ARHGAP20: variants seen among roughly 807,000 people sequenced by gnomAD.
ARHGAP20 encodes the protein Rho GTPase activating protein 20.
A neutral mutation model predicts 73.7 loss-of-function variants in ARHGAP20; 34 were observed. The observed-to-expected ratio is 0.46, with a 90% CI of 0.35 to 0.61. The LOEUF (loss-of-function observed/expected upper bound fraction) is 0.61. Ranked by LOEUF, ARHGAP20 falls within the 20% of genes least tolerant of loss-of-function variation. The probability of loss-of-function intolerance (pLI) is 0.00; values close to 1 mark genes in which losing one functional copy is unlikely to be tolerated. For synonymous variants in ARHGAP20, 523 were observed against 518.2 expected (o/e 1.01, Z -0.13); for missense variants, 1,314 against 1,420.9 (o/e 0.92, Z 1.21).
intron 14 of ARHGAP20, 86 bp downstream of exon 14, chr11:110,582,235 G>T: frequency 9.1e-7 from 1 of 1,103,618 alleles, no homozygotes; most frequent in Non-Finnish European, 1.4e-6. Flanking sequence ...AGCTGCTGTG[G>T]GCTCCAGGAA....
At chr11:110,642,284 T>C (rs1949093587) in intron 2 of ARHGAP20, among the ~76,000 whole-genome samples, 1 of 152,096 alleles carries the variant, frequency 6.6e-6, no homozygotes, top group Admixed American at 6.6e-5. Flanking sequence ...TTTATTTCTT[T>C]CTCTTGCCTG....
chr11:110,678,701 G>C (rs1427118758), intron 2 of ARHGAP20, among the ~76,000 whole-genome samples: 1 of 151,958 alleles, frequency 6.6e-6, no homozygotes, highest in African/African-American at 2.4e-5. Context: ...TCATTCTGTT[G>C]TCCAGGCTGG....
chr11:110,629,441 T>C (rs1948815641), intron 3 of ARHGAP20, among the ~76,000 whole-genome samples: 1 of 152,208 alleles, frequency 6.6e-6, no homozygotes, highest in African/African-American at 2.4e-5. Context: ...AACTGTTTTT[T>C]GAAAATAATG....
At chr11:110,668,296 T>C (rs556305431) in intron 2 of ARHGAP20, among the ~76,000 whole-genome samples, 2 of 152,340 alleles carry the variant, frequency 1.3e-5, no homozygotes, top group South Asian at 2.1e-4. Flanking sequence ...GTATGATTGG[T>C]TGCATTTTTA....
chr11:110,588,012 T>C (rs1412485299), intron 11 of ARHGAP20, among the ~76,000 whole-genome samples: 5 of 152,328 alleles, frequency 3.3e-5, no homozygotes, highest in East Asian at 1.9e-4. Flanking sequence ...GTAGGGACAA[T>C]AGCTCTCTTT....
At chr11:110,690,715 T>G in intron 1 of ARHGAP20, 86 bp from the exon 2 acceptor site, 1 of 1,298,756 alleles carries the variant, frequency 7.7e-7, no homozygotes, top group South Asian at 1.2e-5. Flanking sequence ...ATTTAACAAG[T>G]TTTGCATTGC....
chr11:110,687,631 G>C (rs1177524860), intron 2 of ARHGAP20, among the ~76,000 whole-genome samples: 1 of 151,912 alleles, frequency 6.6e-6, no homozygotes, highest in Admixed American at 6.6e-5. Flanking sequence ...ATGACCCTTT[G>C]TTATATAAAA....
chr11:110,612,032 C>G (rs1028422290), intron 6 of ARHGAP20, among the ~76,000 whole-genome samples: 6 of 152,086 alleles, frequency 3.9e-5, no homozygotes, highest in Non-Finnish European at 5.9e-5. Flanking sequence ...TTAGAAAGCT[C>G]AATTCTATTA....
Position 110,600,647 on chromosome 11 carries a change from CA to C in ARHGAP20, c.964+5913del, listed in dbSNP as rs1450295743. Among the ~76,000 whole-genome samples, 7 of 152,346 alleles carry C rather than the reference CA, an allele frequency of 4.6e-5. No homozygotes were observed. The East Asian group carries it at 9.6e-4, about 21-fold the overall frequency. On this transcript the variant is annotated intron_variant, in intron 9 of 14. Transcript: ENST00000683387. ...TCTTGGGCAAATACATCACTGTCCA[CA>C]GAGATTTCTGGCCAGAAAAGTGACA...
intron 1 of ARHGAP20, among the ~76,000 whole-genome samples, chr11:110,692,898 T>C (rs1028073252): frequency 6.6e-6 from 1 of 151,958 alleles, no homozygotes; most frequent in Non-Finnish European, 1.5e-5. Context: ...TCTATAAAAG[T>C]TGTGAACTAA....
intron 2 of ARHGAP20, among the ~76,000 whole-genome samples, chr11:110,638,269 T>C (rs1316793610): frequency 6.6e-6 from 1 of 152,054 alleles, no homozygotes. Flanking sequence ...ATAAATTGTG[T>C]ATTTATGCTT....
intron 6 of ARHGAP20, among the ~76,000 whole-genome samples, chr11:110,613,415 A>C (rs984236682): frequency 4.6e-5 from 7 of 152,338 alleles, no homozygotes; most frequent in Admixed American, 1.3e-4. Flanking sequence ...AGCAAAGGAC[A>C]GAGTACGTCA....
intron 9 of ARHGAP20, among the ~76,000 whole-genome samples, chr11:110,594,063 T>C (rs889488060): frequency 2.6e-5 from 4 of 152,214 alleles, no homozygotes; most frequent in African/African-American, 9.6e-5. Flanking sequence ...ACATGTTAAT[T>C]CCAAAGAAGT....
intron 9 of ARHGAP20, 147 bp from the exon 10 acceptor site, chr11:110,592,302 T>C (rs1591301013): frequency 1.1e-5 from 7 of 640,036 alleles, no homozygotes; most frequent in Non-Finnish European, 1.7e-5. Context: ...ATTCAACCTA[T>C]AAAATTTCAT....
At chr11:110,589,327 C>T (rs988671157) in intron 11 of ARHGAP20, 17 of 933,000 alleles carry the variant, frequency 1.8e-5, no homozygotes, top group Non-Finnish European at 2.2e-5. Context: ...TATCTAATTG[C>T]AAAAATTTAT....
Position 110,687,056 on chromosome 11 carries a change from A to AT in ARHGAP20, c.188+3490_188+3491insA, listed in dbSNP as rs1293312971. The stretch of plus-strand genomic sequence containing the variant: ...AAAACATATATATATATATATATAT[A>AT]GACACACACACACACACACACATAT... On this transcript the variant is annotated intron_variant, in intron 2 of 14. Coordinates refer to ENST00000683387, the MANE Select transcript of ARHGAP20 (RefSeq NM_001384657.1). Among the ~76,000 whole-genome samples the AT allele has an allele frequency of 2.1e-4, 23 of 111,120 alleles. 1 individual carries two copies. The highest frequency in any genetic ancestry group is 7.9e-4 in the African/African-American group (22 of 27,926). 72.9% of individuals were successfully genotyped at this position (111,120 alleles called of 152,430 possible). A position where few individuals can be genotyped will look rare whatever the true frequency, so the allele number is the denominator to read the frequency against.
intron 2 of ARHGAP20, among the ~76,000 whole-genome samples, chr11:110,652,470 C>T (rs1462478574): frequency 1.3e-5 from 2 of 151,990 alleles, no homozygotes; most frequent in East Asian, 1.9e-4. Context: ...CAACTTGATC[C>T]TGTATCTGAA....
intron 9 of ARHGAP20, among the ~76,000 whole-genome samples, chr11:110,595,630 A>G (rs1376979130): frequency 6.6e-6 from 1 of 152,246 alleles, no homozygotes; most frequent in African/African-American, 2.4e-5. Flanking sequence ...ACCACTGCCC[A>G]ATGAAATAAA....
Position 110,631,604 on chromosome 11 carries a change from T to C in ARHGAP20, c.189-812A>G, listed in dbSNP as rs1948862284. 2.6e-5 allele frequency among the ~76,000 whole-genome samples: 4 copies of C among 152,266 alleles called. No homozygotes were observed. In the East Asian group the frequency reaches 7.7e-4, roughly 29 times the overall value. Reference sequence around the variant, plus strand: ...TGTCTGTGGTTATGAGACCCCCAAGTTGCTCATGCCCTTTAGAGCTCTCTG... The same window carrying C: ...TGTCTGTGGTTATGAGACCCCCAAGCTGCTCATGCCCTTTAGAGCTCTCTG... On this transcript the variant is annotated intron_variant, in intron 2 of 14. Transcript: ENST00000683387.
Sources: allele counts gnomAD v4.1 joint callset (sites outside exome capture counted in the v4.1 genomes callset), GRCh38; gene constraint gnomAD v4.1.1; transcripts MANE v1.5; gene names NCBI Gene and HGNC (gene_info 2026-07-23, HGNC 2026-07-21).